The following MYH10 variants were observed in gnomAD, a reference collection of about 807,000 sequenced individuals.
The protein encoded by MYH10 is myosin-10.
MYH10 carries 55 observed loss-of-function variants against 257.8 expected under a neutral mutation model. That is an observed-to-expected ratio of 0.21 (90% CI 0.17 to 0.27). The LOEUF is 0.27. Ranked by LOEUF, MYH10 falls within the 10% of genes least tolerant of loss-of-function variation. The pLI, the probability that MYH10 is intolerant of heterozygous loss-of-function variation, is 1.00. For synonymous variants in MYH10, 854 were observed against 921.7 expected, an observed-to-expected ratio of 0.93 and a Z score of 1.33; for missense variants, 1,631 against 2,500.6, an observed-to-expected ratio of 0.65 and a Z score of 7.42.
Position 8,506,599 on chromosome 17 carries a change from A to AT in MYH10, c.3215-111dup, listed in dbSNP as rs2081080548. The AT allele has an allele frequency of 8.6e-7, 1 of 1,160,358 alleles. No individual in the cohort carries two copies. Among genetic ancestry groups the AT allele is most frequent in the Non-Finnish European group, 1.2e-6 (1 of 806,964 alleles). 71.9% of individuals were successfully genotyped at this position (1,160,358 alleles called of 1,614,324 possible). On this transcript the variant is annotated intron_variant, in intron 26 of 42. Coordinates refer to ENST00000360416, the MANE Select transcript of MYH10 (RefSeq NM_001256012.3). This position sits in a 1 kb window ranked among gnomAD's most constrained non-coding sequence, Gnocchi z 5.0. ...AAAATAAGCCATTTTATTCAAAAGC[A>AT]TGTCACTGCCCTGATGACATGGTCA...
chr17:8,553,106 C>A (rs1414672965), intron 8 of MYH10, among the ~76,000 whole-genome samples: 1 of 152,196 alleles, frequency 6.6e-6, no homozygotes, highest in African/African-American at 2.4e-5. Flanking sequence ...TTAAGTCAGA[C>A]TATCCCACAC....
intron 13 of MYH10, among the ~76,000 whole-genome samples, 186 bp from the exon 14 acceptor site, chr17:8,542,466 A>G (rs781288979): frequency 1.1e-4 from 17 of 152,216 alleles, no homozygotes; most frequent in Non-Finnish European, 1.8e-4. Context: ...TCTCTCACAC[A>G]CAGCCTTTTT....
At chr17:8,503,965 C>G (rs965007188) in intron 28 of MYH10, among the ~76,000 whole-genome samples, 25 of 152,168 alleles carry the variant, frequency 1.6e-4, no homozygotes, top group Non-Finnish European at 2.1e-4. Context: ...TGGCACACCC[C>G]CCATGCTGCT....
At chr17:8,495,847 T>C (rs1370612685) in intron 30 of MYH10, among the ~76,000 whole-genome samples, 1 of 152,016 alleles carries the variant, frequency 6.6e-6, no homozygotes, top group Non-Finnish European at 1.5e-5. Context: ...GTGGCTGGGA[T>C]TACAGGCGCT....
intron 2 of MYH10, among the ~76,000 whole-genome samples, chr17:8,610,292 A>AAAAAAAAAAAAAAAAAT (rs61107083): frequency 6.8e-6 from 1 of 147,392 alleles, no homozygotes; most frequent in Non-Finnish European, 1.5e-5. Context: ...AAAAAAAAAA[A>AAAAAAAAAAAAAAAAAT]GGGTTGGGGG....
chr17:8,542,297 G>T lies in MYH10; in HGVS notation c.1432-17C>A. 6.2e-7 allele frequency: 1 copy of T among 1,606,826 alleles called. No individual in the cohort carries two copies. Among genetic ancestry groups the T allele is most frequent in the Non-Finnish European group, 8.5e-7 (1 of 1,175,790 alleles). On this transcript the variant is annotated splice_polypyrimidine_tract_variant and intron_variant, in intron 13 of 42. Transcript: ENST00000360416. ...GGAGTTCAGCTACAAATGTCAAAGG[G>T]TAATTTTCCAAACATGGGGAGGTGG... is the stretch of plus-strand genomic sequence containing the variant.
chr17:8,594,679 A>G (rs374679993), intron 3 of MYH10, among the ~76,000 whole-genome samples: 1 of 152,204 alleles, frequency 6.6e-6, no homozygotes, highest in Admixed American at 6.5e-5. Context: ...GACAACCCCA[A>G]CCCACAGCAG....
intron 1 of MYH10, among the ~76,000 whole-genome samples, chr17:8,628,503 T>C (rs1238240488): frequency 6.6e-6 from 1 of 152,206 alleles, no homozygotes; most frequent in Non-Finnish European, 1.5e-5. Context: ...AAATTATCCA[T>C]GACAGAGCAT....
Position 8,518,894 on chromosome 17 carries a change from G to T in MYH10, c.2330C>A (p.Ala777Asp). 6.2e-7 allele frequency: 1 copy of T among 1,610,218 alleles called. No homozygotes were observed. Among genetic ancestry groups the T allele is most frequent in the Non-Finnish European group, 8.5e-7 (1 of 1,177,650 alleles). ...IPKGFMDGKQACERMIRALEL... is the reference protein window; with the variant it reads ...IPKGFMDGKQDCERMIRALEL... ...AGAAAACCTTACCATTCGTTCACAG[G>T]CCTGTTTACCATCCATAAAACCTTT... is the stretch of plus-strand genomic sequence containing the variant. Residue 777 changes from alanine (A) to aspartate (D), a missense_variant, in exon 20 of 43, where the codon GCC becomes GAC. Physicochemically the swap from Ala to Asp is moderately radical, Grantham distance 126 (BLOSUM62 -2). Around this residue, in one of 11 missense-constraint regions of MYH10, gnomAD observed 116 missense variants for 221.6 expected, o/e 0.52. Coordinates refer to ENST00000360416, the MANE Select transcript of MYH10 (RefSeq NM_001256012.3).
At position 8,509,859 on chromosome 17, in the gene MYH10, C is replaced by T. The variant is rs774403852; in HGVS notation, c.3043G>A (p.Glu1015Lys). 6.8e-6 allele frequency: 11 copies of T among 1,612,646 alleles called. No individual in the cohort carries two copies. The Admixed American group carries it at 1.3e-4, about 20-fold the overall frequency. ...TCCTCGAGAAGCAGAATCTCCTCTT[C>T]CATCTTCTTGATCTTGGCCTCTGCT... The part of the protein sequence containing the change: ...VTAEAKIKKM[E>K]EEILLLEDQN... Residue 1015 changes from glutamate to lysine, a missense_variant, in exon 25 of 43, where the codon GAA becomes AAA. Coordinates refer to ENST00000360416, the MANE Select transcript of MYH10 (RefSeq NM_001256012.3).
intron 42 of MYH10, 148 bp downstream of exon 42, chr17:8,476,728 G>A (rs1297079756): frequency 2.2e-6 from 2 of 919,304 alleles, no homozygotes; most frequent in African/African-American, 3.4e-5. Flanking sequence ...CGACTATAAA[G>A]GTCAGAAATC....
chr17:8,627,580 G>A (rs2085732048), intron 1 of MYH10, among the ~76,000 whole-genome samples: 2 of 152,164 alleles, frequency 1.3e-5, no homozygotes, highest in African/African-American at 2.4e-5. Context: ...TAGAGTTCAT[G>A]AGACCATTGG....
intron 38 of MYH10, among the ~76,000 whole-genome samples, chr17:8,481,069 G>A (rs1913686578): frequency 1.3e-5 from 2 of 150,906 alleles, no homozygotes; most frequent in African/African-American, 4.9e-5. Flanking sequence ...CGCACCCCAC[G>A]GCTCCCCCCT....
chr17:8,561,053 C>T (rs1293328739), intron 7 of MYH10: 1 of 580,622 alleles, frequency 1.7e-6, no homozygotes, highest in African/African-American at 1.9e-5. Flanking sequence ...CTCACAATAT[C>T]CTGTAATCTT....
chr17:8,601,977 CT>C lies in MYH10; in HGVS notation c.502+2848del, dbSNP rs11481345. Among the ~76,000 whole-genome samples the C allele has an allele frequency of 3.6e-3, 495 of 138,838 alleles. 2 individuals carry two copies. The highest frequency in any genetic ancestry group is 0.012 in the African/African-American group (453 of 37,412). 91.1% of individuals were successfully genotyped at this position (138,838 alleles called of 152,430 possible). A position where few individuals can be genotyped will look rare whatever the true frequency, so the allele number is the denominator to read the frequency against. ...ATACATTTCATGCAAGAAACAGAAT[CT>C]TTTTTTTTTTTTTTTGAGACGGAGT... On this transcript the variant is annotated intron_variant, in intron 3 of 42. Coordinates refer to ENST00000360416, the MANE Select transcript of MYH10 (RefSeq NM_001256012.3).
rs74639605 is a variant in MYH10, at chr17:8,545,341, A to G, written c.1431+107T>C. ...GTTTGGCTCTACTAGAATGGCAGGG[A>G]CTGTATCCCTGGTGCCTCGTATGTA... On this transcript the variant is annotated intron_variant, in intron 13 of 42. Coordinates refer to ENST00000360416, the MANE Select transcript of MYH10 (RefSeq NM_001256012.3). This position sits in a 1 kb window ranked among gnomAD's most constrained non-coding sequence, Gnocchi z 4.7. 1 of 1,231,062 alleles carries G rather than the reference A, an allele frequency of 8.1e-7. No individual in the cohort carries two copies. The allele number at this position is 1,231,062 out of a possible 1,614,324, so 76.3% of individuals were successfully genotyped here.
chr17:8,509,580 CAT>C (rs1567820038), intron 25 of MYH10, among the ~76,000 whole-genome samples: 6 of 152,250 alleles, frequency 3.9e-5, no homozygotes, highest in South Asian at 2.1e-4. Flanking sequence ...ACAAACTGCA[CAT>C]GTTACAAGTC....
At chr17:8,626,608 T>TAAGAAG (rs1555621831) in intron 1 of MYH10, among the ~76,000 whole-genome samples, 1 of 138,854 alleles carries the variant, frequency 7.2e-6, no homozygotes, top group African/African-American at 2.6e-5. Context: ...ATAATAATAA[T>TAAGAAG]AAGTAAAATA....
chr17:8,475,559 A>AAAAT lies in MYH10; in HGVS notation c.*241_*244dup, dbSNP rs1912413608. 1.3e-5 allele frequency: 6 copies of AAAAT among 455,790 alleles called. No individual in the cohort carries two copies. The East Asian group carries it at 2.2e-4, about 16-fold the overall frequency. The allele number at this position is 455,790 out of a possible 1,614,324, so 28.2% of individuals were successfully genotyped here. A position where few individuals can be genotyped will look rare whatever the true frequency, so the allele number is the denominator to read the frequency against. Reference sequence around the variant, plus strand: ...AAATGGTCTCTTGATGACTATATGGAAAATAGATGCAATGATGAAACAATC... The same window carrying AAAAT: ...AAATGGTCTCTTGATGACTATATGGAAAATAAATAGATGCAATGATGAAACAATC... On this transcript the variant is annotated 3_prime_UTR_variant, in exon 43 of 43. Transcript: ENST00000360416.
Sources: gnomAD v4.1 joint callset for allele counts (sites outside exome capture counted in the v4.1 genomes callset) on GRCh38, gnomAD v4.1.1 for gene constraint, gnomAD v4.1.1 regional missense constraint, Gnocchi (gnomAD v3.1) non-coding constraint, MANE v1.5 for transcripts, NCBI Gene and HGNC (gene_info 2026-07-23, HGNC 2026-07-21) for gene names.